RHCG: variants seen among roughly 807,000 people sequenced by gnomAD.
RHCG encodes the protein Rh family C glycoprotein.
RHCG carries 39 observed loss-of-function variants against 55.3 expected under a neutral mutation model. The observed-to-expected ratio is 0.70, with a 90% CI of 0.55 to 0.92. The LOEUF is 0.92. Among genes scored for constraint, RHCG ranks in the 40% least tolerant of loss-of-function variants. The pLI is 0.00. For synonymous variants in RHCG, 250 were observed against 246.8 expected, an observed-to-expected ratio of 1.01 and a Z score of -0.12; for missense variants, 635 against 627.9, an observed-to-expected ratio of 1.01 and a Z score of -0.12.
At chr15:89,490,493 C>T (rs1410301643) in intron 1 of RHCG, among the ~76,000 whole-genome samples, 1 of 152,194 alleles carries the variant, frequency 6.6e-6, no homozygotes, top group Non-Finnish European at 1.5e-5. Context: ...GATCGTGTTG[C>T]AGGGTTTATC....
chr15:89,479,636 C>G, intron 4 of RHCG, 148 bp from the exon 5 acceptor site: 1 of 721,880 alleles, frequency 1.4e-6, no homozygotes, highest in Non-Finnish European at 2.2e-6. Flanking sequence ...TGCAGGGGCT[C>G]TTCCTGGAAG....
rs1555461989 is a variant in RHCG, at chr15:89,486,597, A to AGAGAGAGAGTGT, written c.371+201_371+202insACACTCTCTCTC. On this transcript the variant is annotated intron_variant, in intron 2 of 10. Transcript: ENST00000268122. ...GAGAGAGAGAGAGAGAGAGAGAGAG[A>AGAGAGAGAGTGT]GAGTGTGTGTGTGTGTGTGTGTGTG... is the stretch of plus-strand genomic sequence containing the variant. The AGAGAGAGAGTGT allele has an allele frequency of 2.8e-4, 92 of 327,166 alleles. 1 individual carries two copies. The highest frequency in any genetic ancestry group is 6.9e-4 in the Middle Eastern group (1 of 1,448). The allele number at this position is 327,166 out of a possible 1,614,324, so 20.3% of individuals were successfully genotyped here.
intron 1 of RHCG, among the ~76,000 whole-genome samples, chr15:89,490,582 A>G (rs992660729): frequency 2.6e-5 from 4 of 152,220 alleles, no homozygotes; most frequent in Non-Finnish European, 5.9e-5. Flanking sequence ...TTCTGGGAAG[A>G]ACTGATGGGT....
intron 3 of RHCG, 142 bp from the exon 4 acceptor site, chr15:89,480,550 C>T (rs1437984010): frequency 1.0e-6 from 1 of 955,190 alleles, no homozygotes; most frequent in Admixed American, 2.4e-5. Flanking sequence ...CTGGGGCCTT[C>T]ACGGACCAAT....
rs1961157269 is a variant in RHCG at position 89,476,769 on chromosome 15, C to T, written c.1297G>A (p.Ala433Thr). 6.2e-7 allele frequency: 1 copy of T among 1,614,134 alleles called. No individual in the cohort carries two copies. The highest frequency in any genetic ancestry group is 8.5e-7 in the Non-Finnish European group (1 of 1,180,002). Reference protein sequence around the residue: ...QPSDENCFEDAVYWEMPEGNS... With the variant: ...QPSDENCFEDTVYWEMPEGNS... ...CTGGAACTCACCTCCCAGTAGACCG[C>T]ATCCTCAAAGCAGTTCTCATCTGAA... is the stretch of plus-strand genomic sequence containing the variant. The change falls in exon 9 of 11, where the codon GCG (alanine) becomes ACG (threonine). Residue 433 changes from alanine (A) to threonine (T), a missense_variant. Ala to Thr is a moderately conservative substitution (Grantham distance 58). Transcript: ENST00000268122.
At chr15:89,487,064 G>T (rs1305698628) in intron 1 of RHCG, 79 bp from the exon 2 acceptor site, 3 of 1,337,816 alleles carry the variant, frequency 2.2e-6, no homozygotes, top group Non-Finnish European at 3.0e-6. Context: ...AGGAAGGCCG[G>T]GGTAGCCCCT....
intron 10 of RHCG, 95 bp from the exon 11 acceptor site, chr15:89,471,950 G>A (rs1961045669): frequency 6.6e-6 from 1 of 152,254 alleles, no homozygotes; most frequent in Non-Finnish European, 1.5e-5. Flanking sequence ...GGACATTAAA[G>A]GCAACTGGGC....
chr15:89,472,666 C>T, intron 10 of RHCG, 45 bp downstream of exon 10: 1 of 1,560,714 alleles, frequency 6.4e-7, no homozygotes, highest in Non-Finnish European at 8.7e-7. Context: ...TGGGCCCCCA[C>T]TGGGAGAACC....
Position 89,485,339 on chromosome 15 carries a change from T to C in RHCG, c.371+1460A>G, listed in dbSNP as rs559531629. Among the ~76,000 whole-genome samples the C allele has an allele frequency of 3.3e-5, 5 of 152,360 alleles. No individual in the cohort carries two copies. In the South Asian group the frequency reaches 1.0e-3, roughly 32 times the overall value. On this transcript the variant is annotated intron_variant, in intron 2 of 10. Transcript: ENST00000268122. ...ATTTTGAACTTCGGGGTGATATGCA[T>C]GTCAAGGGTCTTATAAACAAAAAGA...
chr15:89,492,371 A>C (rs1222637582), intron 1 of RHCG, among the ~76,000 whole-genome samples: 3 of 152,160 alleles, frequency 2.0e-5, no homozygotes, highest in Non-Finnish European at 4.4e-5. Context: ...CTGCATCAGC[A>C]CACGAAGGAT....
rs1364237929 is a variant in RHCG at position 89,477,194 on chromosome 15, G to A, written c.1125C>T (p.Ser375=). The change falls in exon 8 of 11, where the codon TCC becomes TCT. Residue 375 remains serine, a synonymous_variant. Coordinates refer to ENST00000268122, the MANE Select transcript of RHCG (RefSeq NM_016321.3). This position sits in a 1 kb window ranked among gnomAD's most constrained non-coding sequence, Gnocchi z 4.5. ...EVYGKEGLVH[S]FDFQGFNGDW... The stretch of plus-strand genomic sequence containing the variant: ...CCCCGTTGAAACCTTGAAAGTCAAA[G>A]GAATGGACAAGCCTGGGGTGGAGAC... The A allele has an allele frequency of 8.1e-6, 13 of 1,613,900 alleles. No homozygotes were observed. Among genetic ancestry groups the A allele is most frequent in the African/African-American group, 1.3e-5 (1 of 74,876 alleles).
At chr15:89,488,233 C>T (rs1961408897) in intron 1 of RHCG, among the ~76,000 whole-genome samples, 1 of 152,088 alleles carries the variant, frequency 6.6e-6, no homozygotes, top group Non-Finnish European at 1.5e-5. Context: ...AGTTGGTAAA[C>T]AAATAAATGA....
chr15:89,485,823 T>C (rs1485386020), intron 2 of RHCG, among the ~76,000 whole-genome samples: 1 of 152,180 alleles, frequency 6.6e-6, no homozygotes, highest in East Asian at 1.9e-4. Flanking sequence ...GGTTCTTGAG[T>C]AGGACCAGAG....
chr15:89,478,053 T>C, intron 5 of RHCG, 79 bp from the exon 6 acceptor site: 2 of 1,516,382 alleles, frequency 1.3e-6, no homozygotes, highest in Non-Finnish European at 1.8e-6. Context: ...ACTTGCTGGC[T>C]GTGCAAGGGT....
At chr15:89,488,412 G>T (rs568178249) in intron 1 of RHCG, among the ~76,000 whole-genome samples, 2 of 152,132 alleles carry the variant, frequency 1.3e-5, no homozygotes, top group African/African-American at 4.8e-5. Flanking sequence ...TGTCTTAAAG[G>T]GTTTCCTTAT....
At chr15:89,493,902 A>T (rs868323795) in intron 1 of RHCG, among the ~76,000 whole-genome samples, 8 of 152,040 alleles carry the variant, frequency 5.3e-5, no homozygotes, top group Admixed American at 6.5e-5. Context: ...GGTGGTGGTG[A>T]TGATTAAAGG....
chr15:89,491,219 C>T (rs2141902188), intron 1 of RHCG, among the ~76,000 whole-genome samples: 1 of 152,182 alleles, frequency 6.6e-6, no homozygotes, highest in Admixed American at 6.5e-5. Context: ...GTCCATCCTC[C>T]CTGCCTGTCC....
chr15:89,474,788 TCCTTCCTTCCTGCCTG>T lies in RHCG; in HGVS notation c.1312-1941_1312-1926del, dbSNP rs1174949617. ...TGCCTTCCTTCCTTCCTGCCTGCCT[TCCTTCCTTCCTGCCTG>T]CCTTCCTTCCTGCCTGCCTTCCTTC... On this transcript the variant is annotated intron_variant, in intron 9 of 10. Transcript: ENST00000268122. 2.5e-3 allele frequency among the ~76,000 whole-genome samples: 329 copies of T among 132,894 alleles called. 5 individuals carry two copies. The highest frequency in any genetic ancestry group is 0.016 in the South Asian group (63 of 3,954). The allele number at this position is 132,894 out of a possible 152,430, so 87.2% of individuals were successfully genotyped here.
At chr15:89,478,741 C>T (rs1301731240) in intron 5 of RHCG, among the ~76,000 whole-genome samples, 1 of 152,144 alleles carries the variant, frequency 6.6e-6, no homozygotes, top group African/African-American at 2.4e-5. Flanking sequence ...CCCAAATAAT[C>T]GATACTCCAG....
Sources: gnomAD v4.1 joint callset for allele counts (sites outside exome capture counted in the v4.1 genomes callset) on GRCh38, gnomAD v4.1.1 for gene constraint, Gnocchi (gnomAD v3.1) non-coding constraint, MANE v1.5 for transcripts, NCBI Gene and HGNC (gene_info 2026-07-23, HGNC 2026-07-21) for gene names.